Variants in ADRA1B observed in about 807,000 individuals in gnomAD.
The protein encoded by ADRA1B is adrenoceptor alpha 1B.
In ADRA1B, 17 loss-of-function variants were observed where a neutral mutation model predicts 17.9. The observed-to-expected ratio is 0.95, with a 90% CI of 0.65 to 1.42. ADRA1B has a LOEUF of 1.42. Among genes scored for constraint, ADRA1B ranks in the 40% most tolerant of loss-of-function variants. The pLI, the probability that ADRA1B is intolerant of heterozygous loss-of-function variation, is 0.00. For missense variants in ADRA1B, 681 were observed against 722.1 expected, an observed-to-expected ratio of 0.94 and a Z score of 0.65; for synonymous variants, 366 against 327.6, an observed-to-expected ratio of 1.12 and a Z score of -1.27.
At chr5:159,921,307 T>A (rs1237843865) in intron 1 of ADRA1B, among the ~76,000 whole-genome samples, 1 of 152,226 alleles carries the variant, frequency 6.6e-6, no homozygotes, top group Admixed American at 6.5e-5. Context: ...AGGACCTCTT[T>A]ATTTGGCCCC....
At position 159,972,203 on chromosome 5, in the gene ADRA1B, C is replaced by T. The variant is rs1466814495; in HGVS notation, c.1274C>T (p.Ser425Leu). The T allele has an allele frequency of 9.5e-6, 13 of 1,361,930 alleles. No homozygotes were observed. The East Asian group carries it at 3.2e-4, about 34-fold the overall frequency. The allele number at this position is 1,361,930 out of a possible 1,614,324, so 84.4% of individuals were successfully genotyped here. The change falls in exon 2 of 2, where the codon TCG becomes TTG. Residue 425 changes from serine to leucine, a missense_variant. Transcript: ENST00000306675. ...AGCCAGCGGACCCTGCCCTCGGCCT[C>T]GCCGAGCCCGGGCTACCTGGGCCGC... The part of the protein sequence containing the change: ...SGSQRTLPSA[S>L]PSPGYLGRGA...
Position 159,904,478 on chromosome 5 carries a change from T to C in ADRA1B, c.-255-11641T>C, listed in dbSNP as rs562468772. Among the ~76,000 whole-genome samples, 88 of 152,366 alleles carry C rather than the reference T, an allele frequency of 5.8e-4. 2 individuals are homozygous for C. The South Asian group carries it at 0.017, about 30-fold the overall frequency. On this transcript the variant is annotated intron_variant, in intron 1 of 2. Transcript: ENST00000641205. ...ATGCAAATGGGTACATTTGTGGAAC[T>C]GAAAAAGTTTCCTCACAAATCGTGT...
At position 159,954,528 on chromosome 5, in the gene ADRA1B, G is replaced by A. The variant is rs528483581; in HGVS notation, c.950-17351G>A. 5.3e-5 allele frequency among the ~76,000 whole-genome samples: 8 copies of A among 152,276 alleles called. No homozygotes were observed. In the South Asian group the frequency reaches 6.2e-4, roughly 12 times the overall value. ...TTTAGGAGGACAATCACTCCATTGC[G>A]CTTGGTATGAGTGATTTTTCTCTTA... On this transcript the variant is annotated intron_variant, in intron 1 of 1. Coordinates refer to ENST00000306675, the MANE Select transcript of ADRA1B (RefSeq NM_000679.4).
chr5:159,901,114 T>C (rs1005814451), intron 1 of ADRA1B, among the ~76,000 whole-genome samples: 2 of 151,684 alleles, frequency 1.3e-5, no homozygotes, highest in Non-Finnish European at 2.9e-5. Flanking sequence ...AATATATATG[T>C]ACTATTTTTA....
At chr5:159,899,278 G>GGAAGGAAGAAAC (rs1375314707) in intron 1 of ADRA1B, among the ~76,000 whole-genome samples, 2 of 137,080 alleles carry the variant, frequency 1.5e-5, no homozygotes, top group African/African-American at 2.8e-5. Flanking sequence ...AAGGAAGGAA[G>GGAAGGAAGAAAC]GAAGGAAGGA....
intron 1 of ADRA1B, among the ~76,000 whole-genome samples, chr5:159,956,222 C>G (rs1004357863): frequency 2.0e-5 from 3 of 152,156 alleles, no homozygotes; most frequent in Admixed American, 6.5e-5. Flanking sequence ...GCCTGGATGA[C>G]AGGAGGAGAC....
chr5:159,977,111 A>G (rs191189990), downstream of ADRA1B, among the ~76,000 whole-genome samples: 1 of 152,346 alleles, frequency 6.6e-6, no homozygotes, highest in Admixed American at 6.5e-5. Context: ...AGTTCCTTTA[A>G]GAATGTAATA....
In ADRA1B at chr5:159,952,250, G is replaced by A. The variant is rs561636411; in HGVS notation, c.950-19629G>A. ...CCTATATACACTATGTTTTTCCAAC[G>A]CATACATATCTACAATAAAGCTTAA... is the stretch of plus-strand genomic sequence containing the variant. On this transcript the variant is annotated intron_variant, in intron 1 of 1. Coordinates refer to ENST00000306675, the MANE Select transcript of ADRA1B (RefSeq NM_000679.4). Among the ~76,000 whole-genome samples, 44 of 152,118 alleles carry A rather than the reference G, an allele frequency of 2.9e-4. No homozygotes were observed. The South Asian group carries it at 8.7e-3, about 30-fold the overall frequency.
At chr5:159,982,923 C>T in the ADRA1B span, among the ~76,000 whole-genome samples, 4 of 152,136 alleles carry the variant, frequency 2.6e-5, no homozygotes, top group Non-Finnish European at 5.9e-5. Flanking sequence ...TTTCATCAGT[C>T]CCTATCCGAA....
chr5:159,987,698 G>C, the ADRA1B span, among the ~76,000 whole-genome samples: 6 of 152,208 alleles, frequency 3.9e-5, no homozygotes, highest in African/African-American at 1.4e-4. Context: ...CTTTAACCTG[G>C]GGTCCGTGCG....
intron 1 of ADRA1B, among the ~76,000 whole-genome samples, chr5:159,902,901 G>A (rs987824438): frequency 7.2e-5 from 11 of 152,180 alleles, no homozygotes; most frequent in Non-Finnish European, 1.5e-4. Context: ...TGCCTCTGGC[G>A]TGTGTCTATT....
chr5:159,881,488 C>G (rs1753863450), intron 1 of ADRA1B, among the ~76,000 whole-genome samples: 1 of 152,106 alleles, frequency 6.6e-6, no homozygotes, highest in South Asian at 2.1e-4. Context: ...AAGACATACC[C>G]CCTCACAGCT....
At chr5:159,912,831 ACT>A (rs540506582), upstream of ADRA1B, among the ~76,000 whole-genome samples, 3 of 152,160 alleles carry the variant, frequency 2.0e-5, no homozygotes, top group South Asian at 6.2e-4. Context: ...CATAGTAGGT[ACT>A]CTCTGAAAGG....
intron 1 of ADRA1B, among the ~76,000 whole-genome samples, chr5:159,935,685 T>G (rs1303576845): frequency 6.6e-6 from 1 of 152,202 alleles, no homozygotes; most frequent in African/African-American, 2.4e-5. Context: ...CAGCTGGGAT[T>G]ACAGGCATGC....
At chr5:159,908,784 G>A (rs1754193933) in intron 1 of ADRA1B, among the ~76,000 whole-genome samples, 1 of 152,234 alleles carries the variant, frequency 6.6e-6, no homozygotes, top group South Asian at 2.1e-4. Context: ...CACTCAGTAA[G>A]TCATAGTTAA....
intron 1 of ADRA1B, among the ~76,000 whole-genome samples, chr5:159,932,097 C>T (rs887682782): frequency 7.2e-5 from 11 of 152,252 alleles, no homozygotes; most frequent in African/African-American, 2.6e-4. Flanking sequence ...TCCTGACTGA[C>T]TTCTTATCAT....
intron 1 of ADRA1B, among the ~76,000 whole-genome samples, chr5:159,892,161 C>T (rs766796289): frequency 3.3e-5 from 5 of 152,088 alleles, no homozygotes; most frequent in East Asian, 1.9e-4. Context: ...TGCTTGAACC[C>T]GGGAGGTGGA....
At chr5:159,929,995 A>C (rs1754757943) in intron 1 of ADRA1B, among the ~76,000 whole-genome samples, 1 of 152,194 alleles carries the variant, frequency 6.6e-6, no homozygotes, top group Admixed American at 6.5e-5. Context: ...ACTTCAGTGA[A>C]AGTTTCATTT....
chr5:159,945,867 C>A (rs1755257365), intron 1 of ADRA1B, among the ~76,000 whole-genome samples: 1 of 151,984 alleles, frequency 6.6e-6, no homozygotes, highest in Admixed American at 6.6e-5. Context: ...CCTGCCTCAG[C>A]CTCCCAAGTA....
Sources: gnomAD v4.1 joint callset for allele counts (sites outside exome capture counted in the v4.1 genomes callset) on GRCh38, gnomAD v4.1.1 for gene constraint, MANE v1.5 for transcripts, NCBI Gene and HGNC (gene_info 2026-07-23, HGNC 2026-07-21) for gene names.